The following UNC13C variants were observed in gnomAD, a reference collection of about 807,000 sequenced individuals.
The protein encoded by UNC13C is protein unc-13 homolog C.
In UNC13C, 174 loss-of-function variants were observed where a neutral mutation model predicts 245.4. That is an observed-to-expected ratio of 0.71 (90% CI 0.63 to 0.80). The LOEUF is 0.80. UNC13C is among the 30% of genes least tolerant of loss of function. UNC13C has a pLI of 0.00. For synonymous variants in UNC13C, 992 were observed against 895.1 expected (o/e 1.11, Z -1.93); for missense variants, 2,829 against 2,602.9 (o/e 1.09, Z -1.89).
At chr15:54,325,605 C>T (rs534930025) in intron 14 of UNC13C, among the ~76,000 whole-genome samples, 14 of 152,080 alleles carry the variant, frequency 9.2e-5, no homozygotes, top group Admixed American at 7.9e-4. Flanking sequence ...GTTCCCCTCC[C>T]TGCATCCATA....
At chr15:54,491,827 A>G (rs1237422078) in intron 19 of UNC13C, among the ~76,000 whole-genome samples, 2 of 152,020 alleles carry the variant, frequency 1.3e-5, no homozygotes, top group African/African-American at 4.8e-5. Flanking sequence ...CGTCTCTACT[A>G]AAAATACAAA....
the UNC13C span, among the ~76,000 whole-genome samples, chr15:53,896,815 A>G: frequency 2.6e-5 from 4 of 152,146 alleles, no homozygotes; most frequent in African/African-American, 4.8e-5. Flanking sequence ...ATCATCTTCC[A>G]TTAGCATTAA....
At chr15:54,144,234 G>A (rs898924160) in intron 4 of UNC13C, among the ~76,000 whole-genome samples, 4 of 152,012 alleles carry the variant, frequency 2.6e-5, no homozygotes, top group African/African-American at 4.8e-5. Flanking sequence ...TAAAAGTTAC[G>A]CACTGGTATC....
chr15:54,279,671 T>G (rs2036925100), intron 10 of UNC13C, among the ~76,000 whole-genome samples: 1 of 152,192 alleles, frequency 6.6e-6, no homozygotes, highest in African/African-American at 2.4e-5. Flanking sequence ...TGCTGACTGA[T>G]CCTGTTTTCT....
At chr15:54,187,542 T>C (rs1365734841) in intron 4 of UNC13C, among the ~76,000 whole-genome samples, 2 of 152,194 alleles carry the variant, frequency 1.3e-5, no homozygotes, top group Non-Finnish European at 2.9e-5. Context: ...CCATTGTCTC[T>C]GATACCCCTC....
At position 54,014,833 on chromosome 15, in the gene UNC13C, A is replaced by T; in HGVS notation, c.1930A>T (p.Ser644Cys). ...TGCATCTGGAGACCGGAGTCATTACAGTGATTCTCAGCTCTCTTTACATGA... is the reference window on the plus strand; with the variant it reads ...TGCATCTGGAGACCGGAGTCATTACTGTGATTCTCAGCTCTCTTTACATGA... ...VCASGDRSHY[S>C]DSQLSLHEDL... Residue 644 changes from serine to cysteine, a missense_variant, in exon 2 of 33, where the codon AGT becomes TGT. Transcript: ENST00000260323. 6.2e-7 allele frequency: 1 copy of T among 1,613,934 alleles called. No homozygotes were observed.
chr15:54,076,914 CCT>C (rs1898658558), intron 2 of UNC13C, among the ~76,000 whole-genome samples: 1 of 152,160 alleles, frequency 6.6e-6, no homozygotes, highest in South Asian at 2.1e-4. Context: ...TTATAAAAAT[CCT>C]CTTTGTAATA....
At chr15:54,468,017 C>T (rs1892273789) in intron 19 of UNC13C, among the ~76,000 whole-genome samples, 1 of 151,638 alleles carries the variant, frequency 6.6e-6, no homozygotes, top group Non-Finnish European at 1.5e-5. Flanking sequence ...GCTCCATTTT[C>T]AGTTTTCTGA....
chr15:53,929,969 A>G, the UNC13C span, among the ~76,000 whole-genome samples: 1 of 152,202 alleles, frequency 6.6e-6, no homozygotes, highest in Admixed American at 6.5e-5. Context: ...AACTACTCAT[A>G]ACAAAGGCTG....
At chr15:53,922,731 T>A in the UNC13C span, among the ~76,000 whole-genome samples, 1 of 152,162 alleles carries the variant, frequency 6.6e-6, no homozygotes, top group Non-Finnish European at 1.5e-5. Flanking sequence ...CATGCAATAT[T>A]GAAGAAAGAA....
the UNC13C span, among the ~76,000 whole-genome samples, chr15:53,937,913 C>T: frequency 6.6e-6 from 1 of 152,166 alleles, no homozygotes; most frequent in South Asian, 2.1e-4. Flanking sequence ...AAACCATTAC[C>T]AGCCACTACA....
chr15:53,957,803 C>G, the UNC13C span, among the ~76,000 whole-genome samples: 3 of 152,126 alleles, frequency 2.0e-5, no homozygotes, highest in Non-Finnish European at 4.4e-5. Context: ...TCAGTAGATG[C>G]TAGGAATAGT....
At chr15:54,324,096 G>A (rs532826937) in intron 14 of UNC13C, among the ~76,000 whole-genome samples, 7 of 152,126 alleles carry the variant, frequency 4.6e-5, no homozygotes, top group Admixed American at 4.6e-4. Context: ...CCAAAAGAAA[G>A]AGAAATGTTT....
chr15:53,853,539 T>G, the UNC13C span, among the ~76,000 whole-genome samples: 1 of 152,202 alleles, frequency 6.6e-6, no homozygotes, highest in African/African-American at 2.4e-5. Context: ...TAAATGGTAT[T>G]TCGGCCTCTA....
chr15:54,567,972 A>G (rs1283982853), intron 30 of UNC13C, 25 bp downstream of exon 30: 3 of 1,463,682 alleles, frequency 2.0e-6, no homozygotes, highest in Non-Finnish European at 2.7e-6. Flanking sequence ...GGACCTGAGA[A>G]TAAGGTAAAC....
intron 19 of UNC13C, among the ~76,000 whole-genome samples, chr15:54,429,619 ATATT>A (rs1288134430): frequency 6.6e-6 from 1 of 151,658 alleles, no homozygotes; most frequent in Non-Finnish European, 1.5e-5. Flanking sequence ...ATATTTGTGA[ATATT>A]TATTCACTTG....
chr15:54,549,740 T>A, intron 28 of UNC13C, 49 bp downstream of exon 28: 1 of 1,254,940 alleles, frequency 8.0e-7, no homozygotes. Flanking sequence ...GTGAGTTAAC[T>A]ACAGTTCTGC....
chr15:54,095,777 A>G (rs563912547), intron 2 of UNC13C, among the ~76,000 whole-genome samples: 5 of 152,302 alleles, frequency 3.3e-5, no homozygotes, highest in Non-Finnish European at 5.9e-5. Context: ...AAATTTATCG[A>G]CCACTATTAG....
Position 54,029,668 on chromosome 15 carries a change from C to G in UNC13C, c.2983+13782C>G, listed in dbSNP as rs78955494. Reference sequence around the variant, plus strand: ...TAATCAGCAAGAAAGTAAGACAATGCCATAAAATGGCACTTATGCAGCCAA... The same window carrying G: ...TAATCAGCAAGAAAGTAAGACAATGGCATAAAATGGCACTTATGCAGCCAA... On this transcript the variant is annotated intron_variant, in intron 2 of 32. Coordinates refer to ENST00000260323, the MANE Select transcript of UNC13C (RefSeq NM_001080534.3). 4.1e-3 allele frequency among the ~76,000 whole-genome samples: 622 copies of G among 152,248 alleles called. 5 individuals carry two copies. Among genetic ancestry groups the G allele is most frequent in the African/African-American group, 0.015 (608 of 41,542 alleles).
Sources: allele counts gnomAD v4.1 joint callset (sites outside exome capture counted in the v4.1 genomes callset), GRCh38; gene constraint gnomAD v4.1.1; transcripts MANE v1.5; gene names NCBI Gene and HGNC (gene_info 2026-07-23, HGNC 2026-07-21).